TMEM131: variants seen among roughly 807,000 people sequenced by gnomAD.
TMEM131 encodes transmembrane protein 131, also known as 2610524E03Rik.
TMEM131 carries 66 observed loss-of-function variants against 211.6 expected under a neutral mutation model. The ratio of observed to expected loss-of-function variants is 0.31; its 90% CI spans 0.26 to 0.38. The LOEUF (loss-of-function observed/expected upper bound fraction) is 0.38, where lower values mean the gene tolerates loss of function less well. Among genes scored for constraint, TMEM131 ranks in the 10% least tolerant of loss-of-function variants. The pLI is 1.00. For missense variants in TMEM131, 2,036 were observed against 2,299.3 expected, an observed-to-expected ratio of 0.89 and a Z score of 2.34; for synonymous variants, 844 against 841.3, an observed-to-expected ratio of 1.00 and a Z score of -0.06.
intron 1 of TMEM131, among the ~76,000 whole-genome samples, chr2:97,969,348 C>T (rs1201200909): frequency 7.2e-5 from 11 of 152,124 alleles, no homozygotes; most frequent in Admixed American, 6.5e-5. Flanking sequence ...TTCTTCCAGG[C>T]CCTCCACCAA....
At chr2:97,864,278 A>AG (rs1436322129) in intron 4 of TMEM131, among the ~76,000 whole-genome samples, 1 of 152,202 alleles carries the variant, frequency 6.6e-6, no homozygotes, top group East Asian at 1.9e-4. Context: ...ATACGTATAA[A>AG]GAAACTGAAA....
chr2:97,860,169 C>T (rs1450028974), intron 4 of TMEM131, among the ~76,000 whole-genome samples: 1 of 152,146 alleles, frequency 6.6e-6, no homozygotes, highest in Non-Finnish European at 1.5e-5. Context: ...CTATAGCTTC[C>T]TTGCTTTTTC....
chr2:97,790,562 T>C (rs1680456691), intron 31 of TMEM131, among the ~76,000 whole-genome samples: 2 of 152,132 alleles, frequency 1.3e-5, no homozygotes, highest in Admixed American at 6.5e-5. Flanking sequence ...ACCCTGAAAA[T>C]AGAATTGGCC....
chr2:97,852,449 C>T lies in TMEM131; in HGVS notation c.483+6855G>A, dbSNP rs564154036. On this transcript the variant is annotated intron_variant, in intron 5 of 40. Coordinates refer to ENST00000186436, the MANE Select transcript of TMEM131 (RefSeq NM_015348.2). ...CTGGGACTACAGGCGTGAGCCACCA[C>T]GCCTGGCCTTGCCATACCATTCTCT... Among the ~76,000 whole-genome samples the T allele has an allele frequency of 3.3e-5, 5 of 152,322 alleles. No individual in the cohort carries two copies. The East Asian group carries it at 9.6e-4, about 29-fold the overall frequency.
intron 1 of TMEM131, among the ~76,000 whole-genome samples, chr2:97,938,556 T>C (rs1419213156): frequency 2.0e-5 from 3 of 152,158 alleles, no homozygotes; most frequent in Admixed American, 6.5e-5. Flanking sequence ...CAAAGAGACT[T>C]AGACTCCCAC....
intron 31 of TMEM131, among the ~76,000 whole-genome samples, chr2:97,790,951 A>T (rs1458068154): frequency 6.6e-6 from 1 of 152,098 alleles, no homozygotes; most frequent in African/African-American, 2.4e-5. Flanking sequence ...AAACTCCTTG[A>T]CTCTGGGATG....
intron 33 of TMEM131, among the ~76,000 whole-genome samples, chr2:97,768,846 C>T (rs1383489076): frequency 1.3e-5 from 2 of 152,240 alleles, no homozygotes; most frequent in Non-Finnish European, 2.9e-5. Flanking sequence ...CGTCCTTGGC[C>T]TCCCAAAGTG....
chr2:97,869,646 G>C (rs1028534009), intron 4 of TMEM131, among the ~76,000 whole-genome samples: 1 of 152,196 alleles, frequency 6.6e-6, no homozygotes, highest in African/African-American at 2.4e-5. Flanking sequence ...AGCAAAGGGA[G>C]CGGGCACTCC....
In TMEM131 at chr2:97,952,131, T is replaced by TGG. The variant is rs1678349296; in HGVS notation, c.188-24646_188-24645dup. On this transcript the variant is annotated intron_variant, in intron 1 of 40. Transcript: ENST00000186436. Reference sequence around the variant, plus strand: ...AAGATCACGCCACTGCACTCCAGCCTGGGTGACAGAGCGAGACTCCATCTC... The same window carrying TGG: ...AAGATCACGCCACTGCACTCCAGCCTGGGGGTGACAGAGCGAGACTCCATCTC... Among the ~76,000 whole-genome samples the TGG allele has an allele frequency of 2.7e-5, 4 of 148,700 alleles. No homozygotes were observed. The South Asian group carries it at 8.5e-4, about 32-fold the overall frequency.
intron 1 of TMEM131, among the ~76,000 whole-genome samples, chr2:97,939,068 A>C (rs1677588738): frequency 2.0e-5 from 3 of 152,254 alleles, no homozygotes. Context: ...TGCCCACAAG[A>C]GAAAGCAGGA....
intron 2 of TMEM131, chr2:97,913,024 G>C (rs953185991): frequency 6.6e-6 from 1 of 152,138 alleles, no homozygotes. Context: ...TTCCCTGGGG[G>C]AATTTGGCAA....
chr2:97,872,722 T>C (rs988104138), intron 4 of TMEM131, among the ~76,000 whole-genome samples: 1 of 152,188 alleles, frequency 6.6e-6, no homozygotes, highest in Admixed American at 6.5e-5. Flanking sequence ...ACTGCGCTTG[T>C]CCCATGGTCT....
At position 97,792,812 on chromosome 2, in the gene TMEM131, T is replaced by C; in HGVS notation, c.3718A>G (p.Ser1240Gly). 1 of 1,614,054 alleles carries C rather than the reference T, an allele frequency of 6.2e-7. No individual in the cohort carries two copies. The highest frequency in any genetic ancestry group is 8.5e-7 in the Non-Finnish European group (1 of 1,179,900). Residue 1240 changes from serine (S) to glycine (G), a missense_variant, in exon 31 of 41, where the codon AGT (serine) becomes GGT (glycine). Transcript: ENST00000186436. The stretch of plus-strand genomic sequence containing the variant: ...GAAGTCCTACTAGAGGTACTTGAAC[T>C]GTTTTTGGCTCTGACGTTTTCCACG... ...ADVENVRAKN[S>G]SSTSSRTSAQ...
chr2:97,916,739 C>T (rs894810673), intron 2 of TMEM131, among the ~76,000 whole-genome samples: 2 of 152,086 alleles, frequency 1.3e-5, no homozygotes, highest in Non-Finnish European at 1.5e-5. Flanking sequence ...AAACTTAGGC[C>T]TCAGAGTCAA....
intron 4 of TMEM131, among the ~76,000 whole-genome samples, chr2:97,860,012 A>G (rs1468827283): frequency 6.6e-6 from 1 of 152,190 alleles, no homozygotes; most frequent in African/African-American, 2.4e-5. Context: ...TGTCAAACCT[A>G]AACACACTCA....
chr2:97,935,933 T>G (rs745387458), intron 1 of TMEM131, among the ~76,000 whole-genome samples: 5 of 152,224 alleles, frequency 3.3e-5, no homozygotes, highest in Non-Finnish European at 5.9e-5. Context: ...GACAGCACTA[T>G]AACCAACAGC....
intron 7 of TMEM131, among the ~76,000 whole-genome samples, 178 bp downstream of exon 7, chr2:97,841,616 TGCTGTATTCCAAAATTCAGAC>T (rs1683199224): frequency 1.7e-4 from 2 of 11,750 alleles, no homozygotes; most frequent in African/African-American, 7.0e-3. Context: ...AAATCCAGAC[TGCTGTATTCCAAAATTCAGAC>T]TGCTGTATTC....
intron 7 of TMEM131, among the ~76,000 whole-genome samples, chr2:97,840,793 T>A (rs942641098): frequency 9.2e-5 from 14 of 152,186 alleles, no homozygotes; most frequent in African/African-American, 2.9e-4. Flanking sequence ...GACATCCAGC[T>A]ACAAAAATTA....
In TMEM131 at chr2:97,844,261, T is replaced by C; in HGVS notation, c.484A>G (p.Lys162Glu). 8.4e-7 allele frequency: 1 copy of C among 1,183,932 alleles called. No homozygotes were observed. The allele number at this position is 1,183,932 out of a possible 1,614,324, so 73.3% of individuals were successfully genotyped here. A position where few individuals can be genotyped will look rare whatever the true frequency, so the allele number is the denominator to read the frequency against. ...GATGTATTTCCTCCTGGAAGAATTTTCTGAAACAGAAAATAAAGTTAAATT... is the reference window on the plus strand; with the variant it reads ...GATGTATTTCCTCCTGGAAGAATTTCCTGAAACAGAAAATAAAGTTAAATT... ...HFHASFFQNR[K>E]ILPGGNTSFD... Residue 162 changes from lysine (K) to glutamate (E), a missense_variant and splice_region_variant, in exon 6 of 41, where the codon AAA becomes GAA. Transcript: ENST00000186436.
Sources: allele counts gnomAD v4.1 joint callset (sites outside exome capture counted in the v4.1 genomes callset), GRCh38; gene constraint gnomAD v4.1.1; transcripts MANE v1.5; gene names NCBI Gene and HGNC (gene_info 2026-07-23, HGNC 2026-07-21).